The following CSMD1 variants were observed in gnomAD, a reference collection of about 807,000 sequenced individuals.
CSMD1 encodes CUB and Sushi multiple domains 1, also known as CUB and sushi domain-containing protein 1.
CSMD1 carries 213 observed loss-of-function variants against 417.5 expected under a neutral mutation model. The observed-to-expected ratio is 0.51, with a 90% confidence interval of 0.46 to 0.57. CSMD1 has a LOEUF of 0.57. Among genes scored for constraint, CSMD1 ranks in the 20% least tolerant of loss-of-function variants. The probability of loss-of-function intolerance (pLI) is 0.00; values close to 1 mark genes in which losing one functional copy is unlikely to be tolerated. For missense variants in CSMD1, 6,923 were observed against 4,529.7 expected (o/e 1.53, Z -15.17); for synonymous variants, 2,862 against 1,736.8 (o/e 1.65, Z -16.11).
intron 1 of CSMD1, among the ~76,000 whole-genome samples, chr8:4,809,226 T>C (rs148125368): frequency 5.3e-5 from 8 of 152,310 alleles, no homozygotes; most frequent in Non-Finnish European, 7.4e-5. Flanking sequence ...GGAGAAAAGA[T>C]AGAGTTTTAT....
At chr8:3,621,007 C>T (rs1796206372) in intron 7 of CSMD1, among the ~76,000 whole-genome samples, 1 of 152,096 alleles carries the variant, frequency 6.6e-6, no homozygotes. Flanking sequence ...CCTAATCCAA[C>T]ATGACTGGTG....
At chr8:4,954,096 T>G (rs894959115) in intron 1 of CSMD1, among the ~76,000 whole-genome samples, 2 of 152,208 alleles carry the variant, frequency 1.3e-5, no homozygotes, top group African/African-American at 4.8e-5. Context: ...ATCCTACCTG[T>G]GCCAATTTAA....
intron 5 of CSMD1, among the ~76,000 whole-genome samples, chr8:3,765,403 C>T (rs1798211252): frequency 6.6e-6 from 1 of 152,146 alleles, no homozygotes; most frequent in African/African-American, 2.4e-5. Flanking sequence ...ACCTTTACAG[C>T]ATTTGTTTCA....
chr8:4,206,872 T>G (rs1205172836), intron 3 of CSMD1, among the ~76,000 whole-genome samples: 2 of 152,206 alleles, frequency 1.3e-5, no homozygotes, highest in African/African-American at 4.8e-5. Context: ...AATACAATAT[T>G]ATTTTTCCAT....
At chr8:4,668,135 A>C (rs985939575) in intron 1 of CSMD1, among the ~76,000 whole-genome samples, 1 of 152,106 alleles carries the variant, frequency 6.6e-6, no homozygotes, top group African/African-American at 2.4e-5. Flanking sequence ...TATCAAACTC[A>C]ATGAGTTTTC....
chr8:4,826,887 A>C (rs954897663), intron 1 of CSMD1, among the ~76,000 whole-genome samples: 3 of 152,150 alleles, frequency 2.0e-5, no homozygotes, highest in Non-Finnish European at 4.4e-5. Flanking sequence ...TAGAGTGATT[A>C]TTTAACTTGC....
intron 1 of CSMD1, among the ~76,000 whole-genome samples, chr8:4,957,183 G>A (rs1274195634): frequency 2.0e-5 from 3 of 152,178 alleles, no homozygotes; most frequent in East Asian, 1.9e-4. Context: ...GAAAAACACT[G>A]ACCTGTAGAC....
In CSMD1 at chr8:4,260,705, G is replaced by A. The variant is rs115468781; in HGVS notation, c.415+159248C>T. On this transcript the variant is annotated intron_variant, in intron 3 of 69. Coordinates refer to ENST00000635120, the MANE Select transcript of CSMD1 (RefSeq NM_033225.6). The stretch of plus-strand genomic sequence containing the variant: ...GTTAATCCAAAATTCCCATGTCGTT[G>A]GTTTATTAATATCTTCTTATAATAT... Among the ~76,000 whole-genome samples the A allele has an allele frequency of 4.4e-3, 666 of 152,094 alleles. 6 individuals are homozygous for A. Among genetic ancestry groups the A allele is most frequent in the African/African-American group, 0.015 (638 of 41,510 alleles).
chr8:4,186,710 C>G (rs902608159), intron 3 of CSMD1, among the ~76,000 whole-genome samples: 1 of 151,666 alleles, frequency 6.6e-6, no homozygotes, highest in African/African-American at 2.4e-5. Context: ...TTTTCAGCGG[C>G]GTACGGTCGC....
intron 5 of CSMD1, among the ~76,000 whole-genome samples, chr8:3,807,342 G>A (rs1258273264): frequency 6.6e-6 from 1 of 152,120 alleles, no homozygotes; most frequent in African/African-American, 2.4e-5. Flanking sequence ...AAAGAGAAAA[G>A]TAATAGAAAG....
chr8:4,476,722 A>G (rs963273564), intron 2 of CSMD1, among the ~76,000 whole-genome samples: 1 of 152,158 alleles, frequency 6.6e-6, no homozygotes, highest in African/African-American at 2.4e-5. Flanking sequence ...CACTTTATGA[A>G]TAGCTTTCTT....
At chr8:3,544,908 C>G (rs542718252) in intron 10 of CSMD1, among the ~76,000 whole-genome samples, 5 of 152,310 alleles carry the variant, frequency 3.3e-5, no homozygotes, top group African/African-American at 1.2e-4. Flanking sequence ...TTAATACCAA[C>G]TTAATGTTTA....
chr8:4,017,862 T>G (rs888748881), intron 4 of CSMD1, among the ~76,000 whole-genome samples: 1 of 152,176 alleles, frequency 6.6e-6, no homozygotes. Context: ...TGGTGATCCA[T>G]CATGGTTTTC....
At chr8:4,183,492 GC>G (rs1234996635) in intron 3 of CSMD1, among the ~76,000 whole-genome samples, 6 of 152,120 alleles carry the variant, frequency 3.9e-5, no homozygotes, top group Non-Finnish European at 8.8e-5. Context: ...AAAACACTTT[GC>G]TTTTTCTCTT....
At chr8:3,770,912 T>C (rs35445361) in intron 5 of CSMD1, among the ~76,000 whole-genome samples, 20,237 of 152,232 alleles carry the variant, frequency 0.13, 1,603 homozygotes, top group Admixed American at 0.2. Context: ...AAATTAATCA[T>C]TTTCAGATAG....
intron 10 of CSMD1, among the ~76,000 whole-genome samples, chr8:3,531,227 CTT>C (rs1177697323): frequency 1.3e-5 from 2 of 152,130 alleles, no homozygotes; most frequent in Admixed American, 6.5e-5. Flanking sequence ...CCTAAAATAA[CTT>C]TTCAGGTCCC....
chr8:3,787,443 G>A (rs1174757100), intron 5 of CSMD1, among the ~76,000 whole-genome samples: 1 of 152,050 alleles, frequency 6.6e-6, no homozygotes, highest in East Asian at 1.9e-4. Context: ...TTTTCTAAAT[G>A]ATATACAATA....
intron 17 of CSMD1, among the ~76,000 whole-genome samples, chr8:3,391,603 C>T (rs543327255): frequency 1.4e-4 from 21 of 152,282 alleles, no homozygotes; most frequent in African/African-American, 4.8e-4. Flanking sequence ...GTGCATGAAG[C>T]AGAACTGCAA....
At chr8:3,024,314 G>T (rs972030033) in intron 51 of CSMD1, among the ~76,000 whole-genome samples, 1 of 150,868 alleles carries the variant, frequency 6.6e-6, no homozygotes, top group Non-Finnish European at 1.5e-5. Flanking sequence ...GAGGGCAGTG[G>T]GGGAGGTTGG....
Sources: gnomAD v4.1 joint callset for allele counts (sites outside exome capture counted in the v4.1 genomes callset) on GRCh38, gnomAD v4.1.1 for gene constraint, MANE v1.5 for transcripts, NCBI Gene and HGNC (gene_info 2026-07-23, HGNC 2026-07-21) for gene names.